SLCO3A1: variants seen among roughly 807,000 people sequenced by gnomAD.
The protein encoded by SLCO3A1 is PGE1 transporter.
SLCO3A1 carries 27 observed loss-of-function variants against 63.1 expected under a neutral mutation model. The observed-to-expected ratio is 0.43, with a 90% confidence interval of 0.32 to 0.59. SLCO3A1 has a LOEUF of 0.59. SLCO3A1 is among the 20% of genes least tolerant of loss of function. The pLI, the probability that SLCO3A1 is intolerant of heterozygous loss-of-function variation, is 0.09. For synonymous variants in SLCO3A1, 473 were observed against 409.9 expected, an observed-to-expected ratio of 1.15 and a Z score of -1.86; for missense variants, 773 against 945.8, an observed-to-expected ratio of 0.82 and a Z score of 2.40.
Position 91,948,145 on chromosome 15 carries a change from G to C in SLCO3A1, c.646+31687G>C, listed in dbSNP as rs1395884423. Among the ~76,000 whole-genome samples, 1 of 152,180 alleles carries C rather than the reference G, an allele frequency of 6.6e-6. No individual in the cohort carries two copies. On this transcript the variant is annotated intron_variant, in intron 2 of 9. Coordinates refer to ENST00000318445, the MANE Select transcript of SLCO3A1 (RefSeq NM_013272.4). This position sits in a 1 kb window ranked among gnomAD's most constrained non-coding sequence, Gnocchi z 4.8. ...TAATAAAAGTCTGAGCCAGAAAGTG[G>C]GTGGAAGCCCTGGCCCTTTGTTACC... is the stretch of plus-strand genomic sequence containing the variant.
chr15:92,075,783 C>A (rs1442015359), intron 2 of SLCO3A1, among the ~76,000 whole-genome samples: 1 of 152,234 alleles, frequency 6.6e-6, no homozygotes, highest in Non-Finnish European at 1.5e-5. Context: ...CACAGGACTT[C>A]ACACATCTGC....
At chr15:91,935,416 G>T (rs1170941416) in intron 2 of SLCO3A1, among the ~76,000 whole-genome samples, 4 of 152,142 alleles carry the variant, frequency 2.6e-5, no homozygotes, top group Admixed American at 6.5e-5. Context: ...TGGAGGGAGA[G>T]AACACAAAAA....
chr15:91,980,652 C>T (rs2045973818), intron 2 of SLCO3A1, among the ~76,000 whole-genome samples: 1 of 152,082 alleles, frequency 6.6e-6, no homozygotes, highest in Non-Finnish European at 1.5e-5. Context: ...CAGTTTTCTC[C>T]CTCACACCAT....
rs1347223188 is a variant in SLCO3A1, at chr15:91,870,183, C to A, written c.180+16095C>A. On this transcript the variant is annotated intron_variant, in intron 1 of 9. Transcript: ENST00000318445. The stretch of plus-strand genomic sequence containing the variant: ...TTCTGGGGAAAGGGAAGAAGAATTT[C>A]TTGTTATTATTAGGAATATATCATT... Among the ~76,000 whole-genome samples, 10 of 152,276 alleles carry A rather than the reference C, an allele frequency of 6.6e-5. No homozygotes were observed. The East Asian group carries it at 1.7e-3, about 26-fold the overall frequency.
intron 7 of SLCO3A1, among the ~76,000 whole-genome samples, chr15:92,135,209 C>G (rs1375682996): frequency 1.3e-5 from 2 of 152,164 alleles, no homozygotes; most frequent in Non-Finnish European, 2.9e-5. Flanking sequence ...TTCAGAGTTG[C>G]AGTCATGCCT....
At chr15:91,973,966 T>C (rs932533451) in intron 2 of SLCO3A1, among the ~76,000 whole-genome samples, 2 of 152,192 alleles carry the variant, frequency 1.3e-5, no homozygotes, top group Admixed American at 6.5e-5. Flanking sequence ...TCTTTCTACA[T>C]TTTCTATATT....
chr15:91,986,524 A>G (rs1293040600), intron 2 of SLCO3A1, among the ~76,000 whole-genome samples: 1 of 152,152 alleles, frequency 6.6e-6, no homozygotes, highest in African/African-American at 2.4e-5. Context: ...TTGACCTAAT[A>G]GAGCCAAAAT....
intron 9 of SLCO3A1, among the ~76,000 whole-genome samples, chr15:92,154,855 A>G (rs1399104744): frequency 1.3e-5 from 2 of 152,170 alleles, no homozygotes; most frequent in African/African-American, 2.4e-5. Flanking sequence ...AGAGAGGACA[A>G]AGATACAGGA....
chr15:92,141,147 C>A (rs2048126529), intron 7 of SLCO3A1, among the ~76,000 whole-genome samples: 1 of 152,110 alleles, frequency 6.6e-6, no homozygotes, highest in African/African-American at 2.4e-5. Flanking sequence ...CTAGATCCCG[C>A]CACCCCCCAA....
chr15:92,131,733 C>T lies in SLCO3A1; in HGVS notation c.1512+3244C>T, dbSNP rs966943352. Among the ~76,000 whole-genome samples, 11 of 145,396 alleles carry T rather than the reference C, an allele frequency of 7.6e-5. 1 individual carries two copies. The highest frequency in any genetic ancestry group is 1.7e-4 in the African/African-American group (7 of 40,056). On this transcript the variant is annotated intron_variant, in intron 7 of 9. Coordinates refer to ENST00000318445, the MANE Select transcript of SLCO3A1 (RefSeq NM_013272.4). ...CTCTCCCTGCCCCTGGGCCTTTGCA[C>T]GTGTTGTTTCTCTTATCTGCAGCAG... is the stretch of plus-strand genomic sequence containing the variant.
intron 2 of SLCO3A1, among the ~76,000 whole-genome samples, chr15:91,996,029 A>G (rs928957043): frequency 2.0e-5 from 3 of 152,166 alleles, no homozygotes; most frequent in Admixed American, 6.5e-5. Flanking sequence ...TGTTCTAGCT[A>G]TACTTAGGCA....
At chr15:92,019,652 C>T (rs1478170568) in intron 2 of SLCO3A1, among the ~76,000 whole-genome samples, 1 of 152,212 alleles carries the variant, frequency 6.6e-6, no homozygotes, top group African/African-American at 2.4e-5. Flanking sequence ...TGACAGAACC[C>T]TCCTCTTGAA....
At chr15:92,077,807 C>T (rs2047297205) in intron 2 of SLCO3A1, among the ~76,000 whole-genome samples, 1 of 152,186 alleles carries the variant, frequency 6.6e-6, no homozygotes, top group African/African-American at 2.4e-5. Flanking sequence ...TTAGATTTCT[C>T]TAAAATTAGC....
At chr15:91,918,493 A>G (rs1195312880) in intron 2 of SLCO3A1, among the ~76,000 whole-genome samples, 1 of 152,126 alleles carries the variant, frequency 6.6e-6, no homozygotes, top group African/African-American at 2.4e-5. Context: ...ACTGGTTTAC[A>G]TGGGTTTGTG....
intron 2 of SLCO3A1, among the ~76,000 whole-genome samples, chr15:92,017,548 A>G (rs2046453147): frequency 6.6e-6 from 1 of 152,022 alleles, no homozygotes; most frequent in Admixed American, 6.6e-5. Context: ...GTGGATATTT[A>G]GGGGAACAGA....
chr15:92,155,276 C>CT (rs1386248455), intron 9 of SLCO3A1: 1 of 152,256 alleles, frequency 6.6e-6, no homozygotes, highest in Non-Finnish European at 1.5e-5. Flanking sequence ...CCTGGGGCCA[C>CT]TGCTTGCCAG....
At chr15:92,120,664 G>A (rs1186893104) in intron 5 of SLCO3A1, 35 bp downstream of exon 5, 13 of 1,601,830 alleles carry the variant, frequency 8.1e-6, no homozygotes, top group Non-Finnish European at 1.1e-5. Flanking sequence ...AGAGGGTCGG[G>A]GGAGGGTGTC....
At chr15:92,076,341 C>T (rs2047276370) in intron 2 of SLCO3A1, among the ~76,000 whole-genome samples, 1 of 149,644 alleles carries the variant, frequency 6.7e-6, no homozygotes, top group Non-Finnish European at 1.5e-5. Context: ...AGGACACCAA[C>T]CCTGCCTCTA....
At chr15:92,111,072 A>T (rs1360745269) in intron 4 of SLCO3A1, among the ~76,000 whole-genome samples, 2 of 152,124 alleles carry the variant, frequency 1.3e-5, no homozygotes, top group Non-Finnish European at 2.9e-5. Flanking sequence ...GGTGCTTTAC[A>T]TCTTGGTCAG....
Sources: gnomAD v4.1 joint callset for allele counts (sites outside exome capture counted in the v4.1 genomes callset) on GRCh38, gnomAD v4.1.1 for gene constraint, Gnocchi (gnomAD v3.1) non-coding constraint, MANE v1.5 for transcripts, NCBI Gene and HGNC (gene_info 2026-07-23, HGNC 2026-07-21) for gene names.